PREX1: variants seen among roughly 807,000 people sequenced by gnomAD.
PREX1 encodes phosphatidylinositol 3,4,5-trisphosphate-dependent Rac exchanger 1 protein.
Under a neutral mutation model 198.3 loss-of-function variants are expected in PREX1, and 41 were observed. That is an observed-to-expected ratio of 0.21 (90% CI 0.16 to 0.27). The LOEUF (loss-of-function observed/expected upper bound fraction) is 0.27. Ranked by LOEUF, PREX1 falls within the 10% of genes least tolerant of loss-of-function variation. PREX1 has a pLI of 1.00. For missense variants in PREX1, 1,620 were observed against 2,200.7 expected (o/e 0.74, Z 5.28); for synonymous variants, 843 against 887.2 (o/e 0.95, Z 0.89).
At position 48,666,196 on chromosome 20, in the gene PREX1, C is replaced by T; in HGVS notation, c.1738+87G>A. ...CCCCGGGGGTCTAGAGAGCCACAGACCTGGCTTCAGTCCTCCCATACTCCC... is the reference window on the plus strand; with the variant it reads ...CCCCGGGGGTCTAGAGAGCCACAGATCTGGCTTCAGTCCTCCCATACTCCC... On this transcript the variant is annotated intron_variant, in intron 15 of 39. Coordinates refer to ENST00000371941, the MANE Select transcript of PREX1 (RefSeq NM_020820.4). The surrounding 1 kb of genome is among the most constrained non-coding windows in gnomAD (Gnocchi z 4.3). 1 of 1,364,986 alleles carries T rather than the reference C, an allele frequency of 7.3e-7. No individual in the cohort carries two copies. The highest frequency in any genetic ancestry group is 1.0e-6 in the Non-Finnish European group (1 of 991,472). 84.6% of individuals were successfully genotyped at this position (1,364,986 alleles called of 1,614,324 possible). A position where few individuals can be genotyped will look rare whatever the true frequency, so the allele number is the denominator to read the frequency against.
At chr20:48,780,972 A>G (rs2090287141) in intron 1 of PREX1, among the ~76,000 whole-genome samples, 1 of 152,218 alleles carries the variant, frequency 6.6e-6, no homozygotes. Flanking sequence ...AGAGGGGCAC[A>G]TCGCTCCTGG....
chr20:48,679,789 GC>G (rs1568820426), intron 11 of PREX1, 35 bp from the exon 12 acceptor site: 3 of 1,510,604 alleles, frequency 2.0e-6, no homozygotes, highest in Non-Finnish European at 2.8e-6. Flanking sequence ...CGCTGGGCAC[GC>G]CCCCTCAGCC....
In PREX1 at chr20:48,658,119, T is replaced by C. The variant is rs1169434364; in HGVS notation, c.1974+17A>G. 6.2e-7 allele frequency: 1 copy of C among 1,607,884 alleles called. No individual in the cohort carries two copies. The highest frequency in any genetic ancestry group is 2.2e-5 in the East Asian group (1 of 44,762). On this transcript the variant is annotated intron_variant, in intron 17 of 39. Coordinates refer to ENST00000371941, the MANE Select transcript of PREX1 (RefSeq NM_020820.4). ...CCACCTGCACACGGTCCCTGCCAGCTCCCCCGAGGGCCTCACCTCAGCCAG... is the reference window on the plus strand; with the variant it reads ...CCACCTGCACACGGTCCCTGCCAGCCCCCCCGAGGGCCTCACCTCAGCCAG...
Position 48,720,642 on chromosome 20 carries a change from C to T in PREX1, c.621+5648G>A, listed in dbSNP as rs925428916. ...TACATAAAGTCTGCTCTGGTGCCAC[C>T]TAAAATCTTCTGGAAAGCTATGAGT... On this transcript the variant is annotated intron_variant, in intron 5 of 39. Coordinates refer to ENST00000371941, the MANE Select transcript of PREX1 (RefSeq NM_020820.4). Among the ~76,000 whole-genome samples, 3 of 152,016 alleles carry T rather than the reference C, an allele frequency of 2.0e-5. No homozygotes were observed. The East Asian group carries it at 5.8e-4, about 29-fold the overall frequency.
intron 15 of PREX1, among the ~76,000 whole-genome samples, chr20:48,661,466 TATAC>T (rs1224902065): frequency 1.0e-3 from 103 of 101,336 alleles, no homozygotes; most frequent in Middle Eastern, 5.4e-3. Context: ...TATATATATA[TATAC>T]ACACACATAT....
chr20:48,712,085 A>G (rs1051893983), intron 5 of PREX1, among the ~76,000 whole-genome samples: 1 of 152,186 alleles, frequency 6.6e-6, no homozygotes, highest in Non-Finnish European at 1.5e-5. Context: ...ATCCTATTAC[A>G]AAAGACCCCA....
In PREX1 at chr20:48,636,554, C is replaced by T. The variant is rs2089365635; in HGVS notation, c.4076G>A (p.Ser1359Asn). 1.2e-6 allele frequency: 2 copies of T among 1,611,616 alleles called. No individual in the cohort carries two copies. Among genetic ancestry groups the T allele is most frequent in the South Asian group, 1.1e-5 (1 of 91,066 alleles). The change falls in exon 32 of 40, where the codon AGC becomes AAC. Residue 1359 changes from serine (S) to asparagine (N), a missense_variant. Around this residue, in one of 7 missense-constraint regions of PREX1, gnomAD observed 476 missense variants for 603.4 expected, o/e 0.79. Transcript: ENST00000371941. Reference protein sequence around the residue: ...RYNNNGEYEESSRDASRKWLE... With the variant: ...RYNNNGEYEENSRDASRKWLE... Reference sequence around the variant, plus strand: ...CCACTTGCGGCTGGCGTCGCGGCTGCTCTCCTCGTACTCGCCATTGTTGTT... The same window carrying T: ...CCACTTGCGGCTGGCGTCGCGGCTGTTCTCCTCGTACTCGCCATTGTTGTT...
chr20:48,845,888 C>G, the PREX1 span, among the ~76,000 whole-genome samples: 1 of 151,926 alleles, frequency 6.6e-6, no homozygotes. Context: ...CAGTGGGCAG[C>G]CAGGGGAGGA....
Position 48,640,776 on chromosome 20 carries a change from T to C in PREX1, c.3776-882A>G, listed in dbSNP as rs147879377. ...GACAGGTAGATGATGAATGAATGGGTAGAAGGGTGAAAGAGTGGGCACACA... is the reference window on the plus strand; with the variant it reads ...GACAGGTAGATGATGAATGAATGGGCAGAAGGGTGAAAGAGTGGGCACACA... On this transcript the variant is annotated intron_variant, in intron 29 of 39. Coordinates refer to ENST00000371941, the MANE Select transcript of PREX1 (RefSeq NM_020820.4). 2.3e-3 allele frequency among the ~76,000 whole-genome samples: 346 copies of C among 151,672 alleles called. 1 individual carries two copies. Among genetic ancestry groups the C allele is most frequent in the Admixed American group, 3.9e-3 (60 of 15,210 alleles).
chr20:48,807,207 C>G (rs992805988), intron 1 of PREX1, among the ~76,000 whole-genome samples: 1 of 152,198 alleles, frequency 6.6e-6, no homozygotes, highest in Non-Finnish European at 1.5e-5. Context: ...TACACTCCCC[C>G]CCATTCTCAG....
At chr20:48,841,437 A>G in the PREX1 span, among the ~76,000 whole-genome samples, 1 of 152,368 alleles carries the variant, frequency 6.6e-6, no homozygotes, top group Middle Eastern at 3.4e-3. Flanking sequence ...CCCACAAGAC[A>G]TAACTTGTTA....
At chr20:48,682,018 C>T (rs4810855) in intron 10 of PREX1, among the ~76,000 whole-genome samples, 58,662 of 151,732 alleles carry the variant, frequency 0.39, 11,969 homozygotes, top group South Asian at 0.53. Context: ...CACAGGCTTA[C>T]TACTCACAAA....
At chr20:48,682,700 G>A (rs908839173) in intron 10 of PREX1, among the ~76,000 whole-genome samples, 2 of 152,150 alleles carry the variant, frequency 1.3e-5, no homozygotes, top group African/African-American at 2.4e-5. Flanking sequence ...AGGCTCAGCC[G>A]GGGCCCCAGG....
At chr20:48,700,978 ATGCC>A in intron 6 of PREX1, 92 bp from the exon 7 acceptor site, 1 of 1,555,720 alleles carries the variant, frequency 6.4e-7, no homozygotes, top group Admixed American at 1.7e-5. Context: ...CTCCTGCCAC[ATGCC>A]AAAAACTCCA....
chr20:48,648,076 G>T (rs1335842059), intron 25 of PREX1, among the ~76,000 whole-genome samples: 1 of 151,948 alleles, frequency 6.6e-6, no homozygotes, highest in Non-Finnish European at 1.5e-5. Context: ...CTAATTTTAG[G>T]ATTTTTTTTT....
chr20:48,815,006 A>C (rs2090453477), intron 1 of PREX1, among the ~76,000 whole-genome samples: 1 of 152,238 alleles, frequency 6.6e-6, no homozygotes, highest in Non-Finnish European at 1.5e-5. Flanking sequence ...TATCAGACAA[A>C]ATAGGCTTCA....
At chr20:48,685,682 C>T (rs4810861) in intron 10 of PREX1, among the ~76,000 whole-genome samples, 23,303 of 152,062 alleles carry the variant, frequency 0.15, 2,149 homozygotes, top group Middle Eastern at 0.27. Flanking sequence ...ATCCCAGCAC[C>T]TTGGGAAGCC....
chr20:48,787,898 T>C (rs1395724102), intron 1 of PREX1, among the ~76,000 whole-genome samples: 1 of 152,146 alleles, frequency 6.6e-6, no homozygotes, highest in Non-Finnish European at 1.5e-5. Flanking sequence ...CTGTGGTTTG[T>C]TTTATCTTCT....
intron 7 of PREX1, among the ~76,000 whole-genome samples, chr20:48,693,139 C>T (rs990107798): frequency 3.3e-5 from 5 of 152,200 alleles, no homozygotes; most frequent in African/African-American, 9.7e-5. Context: ...AAGACAGGAA[C>T]TTCCTGAAAT....
Sources: gnomAD v4.1 joint callset for allele counts (sites outside exome capture counted in the v4.1 genomes callset) on GRCh38, gnomAD v4.1.1 for gene constraint, gnomAD v4.1.1 regional missense constraint, Gnocchi (gnomAD v3.1) non-coding constraint, MANE v1.5 for transcripts, NCBI Gene and HGNC (gene_info 2026-07-23, HGNC 2026-07-21) for gene names.